The following CACNA2D3 variants were observed in gnomAD, a reference collection of about 807,000 sequenced individuals.
CACNA2D3 encodes voltage-dependent calcium channel subunit alpha-2/delta-3.
A neutral mutation model predicts 160.6 loss-of-function variants in CACNA2D3; 60 were observed. The observed-to-expected ratio is 0.37, with a 90% CI of 0.30 to 0.46. The LOEUF (loss-of-function observed/expected upper bound fraction) is 0.46, where lower values mean the gene tolerates loss of function less well. Ranked by LOEUF, CACNA2D3 falls within the 20% of genes least tolerant of loss-of-function variation. The pLI, the probability that CACNA2D3 is intolerant of heterozygous loss-of-function variation, is 1.00. For missense variants in CACNA2D3, 1,205 were observed against 1,365.0 expected, an observed-to-expected ratio of 0.88 and a Z score of 1.85; for synonymous variants, 558 against 492.9, an observed-to-expected ratio of 1.13 and a Z score of -1.75.
chr3:54,859,050 T>C (rs1195435760), intron 17 of CACNA2D3, among the ~76,000 whole-genome samples: 1 of 152,230 alleles, frequency 6.6e-6, no homozygotes, highest in Non-Finnish European at 1.5e-5. Flanking sequence ...TGGTAATGTG[T>C]GGAGTTTTCT....
At chr3:54,607,998 T>G (rs1485160437) in intron 9 of CACNA2D3, among the ~76,000 whole-genome samples, 1 of 105,598 alleles carries the variant, frequency 9.5e-6, no homozygotes, top group Non-Finnish European at 2.0e-5. Context: ...TTCCAGGGAC[T>G]AGGAGTGGAG....
intron 35 of CACNA2D3, among the ~76,000 whole-genome samples, chr3:55,025,655 A>AAAAGCAT (rs1703550576): frequency 6.6e-6 from 1 of 151,374 alleles, no homozygotes; most frequent in Admixed American, 6.6e-5. Context: ...AAAAAAAAAA[A>AAAAGCAT]AAAGCATAGT....
At chr3:54,659,964 C>T (rs950847747) in intron 11 of CACNA2D3, among the ~76,000 whole-genome samples, 1 of 152,076 alleles carries the variant, frequency 6.6e-6, no homozygotes, top group African/African-American at 2.4e-5. Flanking sequence ...AAATCCCCAA[C>T]TGCTTTGTGT....
At chr3:54,165,164 CTT>C in intron 2 of CACNA2D3, among the ~76,000 whole-genome samples, 1 of 109,966 alleles carries the variant, frequency 9.1e-6, no homozygotes, top group East Asian at 3.0e-4. Context: ...CAAGATCGGT[CTT>C]TTTTGATGGG....
rs188903547 is a variant in CACNA2D3, at chr3:54,796,861, A to G, written c.1381-19992A>G. On this transcript the variant is annotated intron_variant, in intron 13 of 37. Transcript: ENST00000474759. Reference sequence around the variant, plus strand: ...ATGGAAGGACAAAATTGAACCTTTCAGTTTACATAGAGATAGGGCTGCCAC... The same window carrying G: ...ATGGAAGGACAAAATTGAACCTTTCGGTTTACATAGAGATAGGGCTGCCAC... 1.6e-3 allele frequency among the ~76,000 whole-genome samples: 243 copies of G among 152,278 alleles called. 2 individuals carry two copies. The highest frequency in any genetic ancestry group is 5.6e-3 in the African/African-American group (231 of 41,532).
At chr3:54,167,757 C>T (rs997546757) in intron 2 of CACNA2D3, among the ~76,000 whole-genome samples, 1 of 152,092 alleles carries the variant, frequency 6.6e-6, no homozygotes, top group Non-Finnish European at 1.5e-5. Context: ...GAGGCTCTGG[C>T]GGAAGTGGAA....
At position 54,248,695 on chromosome 3, in the gene CACNA2D3, A is replaced by T. The variant is rs538122296; in HGVS notation, c.205-71747A>T. On this transcript the variant is annotated intron_variant, in intron 2 of 37. Transcript: ENST00000474759. ...CTGGCATCTTGATGTTGGACTTCTC[A>T]GTCTCCAGAACCGTGGGAAAATATA... Among the ~76,000 whole-genome samples, 6 of 152,288 alleles carry T rather than the reference A, an allele frequency of 3.9e-5. No homozygotes were observed. In the East Asian group the frequency reaches 1.2e-3, roughly 29 times the overall value.
chr3:54,333,377 C>G (rs1381581115), intron 3 of CACNA2D3, among the ~76,000 whole-genome samples: 1 of 152,086 alleles, frequency 6.6e-6, no homozygotes, highest in African/African-American at 2.4e-5. Context: ...TGTGTCTGCA[C>G]TGCTCATTGG....
In CACNA2D3 at chr3:54,558,535, C is replaced by G. The variant is rs28664197; in HGVS notation, c.545-4265C>G. Among the ~76,000 whole-genome samples the G allele has an allele frequency of 8.8e-3, 1,341 of 152,016 alleles. 11 individuals carry two copies. Among genetic ancestry groups the G allele is most frequent in the African/African-American group, 0.031 (1,285 of 41,428 alleles). ...ATCACCCAGGTAATAAGCATAGTAC[C>G]CAATTGGTAGTTTTTTGATCCTCAC... On this transcript the variant is annotated intron_variant, in intron 5 of 37. Coordinates refer to ENST00000474759, the MANE Select transcript of CACNA2D3 (RefSeq NM_018398.3).
intron 4 of CACNA2D3, among the ~76,000 whole-genome samples, chr3:54,435,755 G>A (rs1219904251): frequency 6.6e-6 from 1 of 152,170 alleles, no homozygotes; most frequent in Non-Finnish European, 1.5e-5. Flanking sequence ...ACATGAATCA[G>A]TAATGAATCA....
At chr3:55,073,919 A>G (rs969740257) in intron 37 of CACNA2D3, 60 bp downstream of exon 37, 2 of 1,378,338 alleles carry the variant, frequency 1.5e-6, no homozygotes, top group African/African-American at 2.9e-5. Flanking sequence ...AGAGTCTCAC[A>G]CTGGTCAAAG....
At chr3:54,456,546 A>G (rs770334916) in intron 4 of CACNA2D3, among the ~76,000 whole-genome samples, 1 of 151,670 alleles carries the variant, frequency 6.6e-6, no homozygotes, top group South Asian at 2.1e-4. Context: ...TTCATTAGGG[A>G]TATTGGCCTA....
chr3:54,479,650 G>A (rs1345269547), intron 4 of CACNA2D3, among the ~76,000 whole-genome samples: 5 of 152,130 alleles, frequency 3.3e-5, no homozygotes, highest in African/African-American at 1.2e-4. Flanking sequence ...GAAACCGATA[G>A]GAGAGAAGGC....
At chr3:54,424,299 TGAG>T (rs1031224382) in intron 4 of CACNA2D3, among the ~76,000 whole-genome samples, 3 of 152,180 alleles carry the variant, frequency 2.0e-5, no homozygotes, top group Admixed American at 6.5e-5. Context: ...GGTGCAGCTG[TGAG>T]GAGAAGCTCC....
At chr3:54,141,094 C>CGCGCGCGCGCGCACGT (rs768348036) in intron 2 of CACNA2D3, among the ~76,000 whole-genome samples, 7,500 of 81,134 alleles carry the variant, frequency 0.092, 280 homozygotes, top group South Asian at 0.15. Flanking sequence ...TGTGCGCGCG[C>CGCGCGCGCGCGCACGT]GCGCGTGTGT....
chr3:55,029,309 G>A (rs144267758), intron 35 of CACNA2D3, among the ~76,000 whole-genome samples: 1 of 152,120 alleles, frequency 6.6e-6, no homozygotes, highest in East Asian at 1.9e-4. Context: ...CCCTCACTTT[G>A]CTCATCTCCA....
chr3:54,748,766 A>G (rs1701804136), intron 11 of CACNA2D3, among the ~76,000 whole-genome samples: 1 of 151,886 alleles, frequency 6.6e-6, no homozygotes, highest in Non-Finnish European at 1.5e-5. Flanking sequence ...TCTGCTTCAC[A>G]CTCCTTGCAT....
intron 12 of CACNA2D3, among the ~76,000 whole-genome samples, chr3:54,757,057 G>A (rs1195325563): frequency 1.3e-5 from 2 of 152,062 alleles, no homozygotes; most frequent in Admixed American, 1.3e-4. Flanking sequence ...AAAAATAAGC[G>A]AACTGGAAAA....
intron 17 of CACNA2D3, among the ~76,000 whole-genome samples, chr3:54,865,782 A>G (rs1028748966): frequency 7.9e-5 from 12 of 152,236 alleles, no homozygotes; most frequent in African/African-American, 2.9e-4. Flanking sequence ...GGTACTGGCC[A>G]AATGGGCGTG....
Sources: gnomAD v4.1 joint callset for allele counts (sites outside exome capture counted in the v4.1 genomes callset) on GRCh38, gnomAD v4.1.1 for gene constraint, MANE v1.5 for transcripts, NCBI Gene and HGNC (gene_info 2026-07-23, HGNC 2026-07-21) for gene names.